MORN1: variants seen among roughly 807,000 people sequenced by gnomAD.
The protein encoded by MORN1 is MORN repeat containing 1.
Under a neutral mutation model 61.9 loss-of-function variants are expected in MORN1, and 67 were observed. The ratio of observed to expected loss-of-function variants is 1.08; its 90% CI spans 0.89 to 1.33. The LOEUF is 1.33. Among genes scored for constraint, MORN1 ranks in the 40% most tolerant of loss-of-function variants. The pLI is 0.00. For synonymous variants in MORN1, 301 were observed against 292.0 expected, an observed-to-expected ratio of 1.03 and a Z score of -0.31; for missense variants, 752 against 691.2, an observed-to-expected ratio of 1.09 and a Z score of -0.99.
In MORN1 at chr1:2,368,551, C is replaced by T. The variant is rs376592200; in HGVS notation, c.745+3930G>A. Among the ~76,000 whole-genome samples, 5 of 152,268 alleles carry T rather than the reference C, an allele frequency of 3.3e-5. No homozygotes were observed. The South Asian group carries it at 1.0e-3, about 32-fold the overall frequency. On this transcript the variant is annotated intron_variant, in intron 8 of 13. Transcript: ENST00000378531. ...GGGCGTGTCTTATGGAAGGCTGCTT[C>T]CTCCCTGACCCTGTTTTATCTAGTC... is the stretch of plus-strand genomic sequence containing the variant.
intron 8 of MORN1, among the ~76,000 whole-genome samples, chr1:2,367,772 C>T (rs895585372): frequency 6.6e-6 from 1 of 151,930 alleles, no homozygotes; most frequent in African/African-American, 2.4e-5. Context: ...GGACTACAGG[C>T]ACCCGCCACT....
intron 10 of MORN1, among the ~76,000 whole-genome samples, chr1:2,344,432 C>T (rs894971440): frequency 2.6e-5 from 4 of 152,194 alleles, no homozygotes; most frequent in Non-Finnish European, 5.9e-5. Flanking sequence ...GAAGGCCCAG[C>T]GACCAGGAGC....
At chr1:2,324,854 G>A (rs1640966745) in intron 12 of MORN1, among the ~76,000 whole-genome samples, 1 of 152,024 alleles carries the variant, frequency 6.6e-6, no homozygotes, top group Admixed American at 6.5e-5. Context: ...AGCGCCTCGG[G>A]GCACCCACGG....
chr1:2,355,093 G>A (rs1226757247), intron 10 of MORN1: 37 of 959,998 alleles, frequency 3.9e-5, no homozygotes, highest in South Asian at 1.3e-4. Flanking sequence ...GGGCCCGCGC[G>A]GGGTAGGGTG....
intron 2 of MORN1, among the ~76,000 whole-genome samples, chr1:2,389,523 C>A (rs1335828767): frequency 6.6e-6 from 1 of 152,226 alleles, no homozygotes; most frequent in Non-Finnish European, 1.5e-5. Flanking sequence ...CCACCTTGGC[C>A]TCCCAAAGTA....
intron 12 of MORN1, among the ~76,000 whole-genome samples, chr1:2,325,201 T>TCCC (rs1640996916): frequency 8.5e-6 from 1 of 117,124 alleles, no homozygotes; most frequent in Non-Finnish European, 1.8e-5. Flanking sequence ...ACTTCCTTCT[T>TCCC]TTTTTTCTTT....
At chr1:2,327,239 C>CACACAGAAACACACAGAA (rs1641050845) in intron 12 of MORN1, among the ~76,000 whole-genome samples, 1 of 57,106 alleles carries the variant, frequency 1.8e-5, no homozygotes, top group African/African-American at 4.8e-5. Flanking sequence ...GACACAGAAA[C>CACACAGAAACACACAGAA]ACACAGAAAC....
intron 2 of MORN1, chr1:2,388,607 GTC>G: frequency 1.1e-5 from 4 of 364,684 alleles, no homozygotes; most frequent in South Asian, 6.4e-5. Context: ...GAGAGACCCC[GTC>G]TCTACACAAA....
In MORN1 at chr1:2,384,917, C is replaced by T. The variant is rs116163652; in HGVS notation, c.537+61G>A. ...GGTGAGGCTCCCCATACACCCCACGCGCCCTGCCCACCACGAGGCCTGTAC... is the reference window on the plus strand; with the variant it reads ...GGTGAGGCTCCCCATACACCCCACGTGCCCTGCCCACCACGAGGCCTGTAC... On this transcript the variant is annotated intron_variant, in intron 6 of 13. Coordinates refer to ENST00000378531, the MANE Select transcript of MORN1 (RefSeq NM_024848.3). The T allele has an allele frequency of 0.015, 21,913 of 1,423,698 alleles. 222 individuals are homozygous for T. The highest frequency in any genetic ancestry group is 0.018 in the Non-Finnish European group (18,958 of 1,058,208). The allele number at this position is 1,423,698 out of a possible 1,614,324, so 88.2% of individuals were successfully genotyped here.
chr1:2,353,818 G>A (rs2100296177), intron 10 of MORN1, among the ~76,000 whole-genome samples: 1 of 152,350 alleles, frequency 6.6e-6, no homozygotes, highest in South Asian at 2.1e-4. Context: ...AGGGTGCTGT[G>A]AAGGCCACAT....
chr1:2,359,930 C>A (rs557492449), intron 8 of MORN1, among the ~76,000 whole-genome samples: 1 of 151,978 alleles, frequency 6.6e-6, no homozygotes, highest in Non-Finnish European at 1.5e-5. Context: ...GAGACCAGTC[C>A]GGTGCCCCAG....
Position 2,390,359 on chromosome 1 carries a change from G to A in MORN1, c.77-363C>T, listed in dbSNP as rs937161229. ...GAGATGAGTGAGCCAGGGGAAGGCA[G>A]AGCGGCAGTGTCAGTGAGGCACACA... On this transcript the variant is annotated intron_variant, in intron 1 of 13. Coordinates refer to ENST00000378531, the MANE Select transcript of MORN1 (RefSeq NM_024848.3). 3 of 936,616 alleles carry A rather than the reference G, an allele frequency of 3.2e-6. No individual in the cohort carries two copies. In the African/African-American group the frequency reaches 5.3e-5, roughly 17 times the overall value. The allele number at this position is 936,616 out of a possible 1,614,324, so 58.0% of individuals were successfully genotyped here.
intron 8 of MORN1, among the ~76,000 whole-genome samples, chr1:2,370,861 GT>G (rs34579503): frequency 2.0e-4 from 28 of 143,492 alleles, no homozygotes; most frequent in South Asian, 1.6e-3. Flanking sequence ...AACAATTTTG[GT>G]TTTTTTTTTT....
intron 10 of MORN1, among the ~76,000 whole-genome samples, chr1:2,341,736 T>C (rs1272294596): frequency 1.3e-5 from 2 of 151,398 alleles, no homozygotes; most frequent in African/African-American, 2.4e-5. Context: ...AAAAGTCTGA[T>C]GGCAAGTGCC....
At chr1:2,390,400 C>A in intron 1 of MORN1, 1 of 981,412 alleles carries the variant, frequency 1.0e-6, no homozygotes, top group Non-Finnish European at 1.2e-6. Flanking sequence ...GGAGCAGACT[C>A]TCCCATCCCC....
chr1:2,388,597 G>A, intron 2 of MORN1: 1 of 433,900 alleles, frequency 2.3e-6, no homozygotes, highest in Non-Finnish European at 4.2e-6. Context: ...GAGCAACACG[G>A]AGAGACCCCG....
Position 2,386,966 on chromosome 1 carries a change from C to CTA in MORN1, c.358+451_358+452dup, listed in dbSNP as rs1241971799. 5 of 174,018 alleles carry CTA rather than the reference C, an allele frequency of 2.9e-5. No homozygotes were observed. The East Asian group carries it at 7.3e-4, about 26-fold the overall frequency. 10.8% of individuals were successfully genotyped at this position (174,018 alleles called of 1,614,324 possible). On this transcript the variant is annotated intron_variant, in intron 4 of 13. Coordinates refer to ENST00000378531, the MANE Select transcript of MORN1 (RefSeq NM_024848.3). Reference sequence around the variant, plus strand: ...GAGGAAGTGGCTAAGCTGTCCAAGACTACTGGGCAAGGAGCTGGGCTTCCC... The same window carrying CTA: ...GAGGAAGTGGCTAAGCTGTCCAAGACTATACTGGGCAAGGAGCTGGGCTTCCC...
chr1:2,340,356 C>T (rs1398610809), intron 10 of MORN1, among the ~76,000 whole-genome samples: 1 of 152,180 alleles, frequency 6.6e-6, no homozygotes, highest in East Asian at 1.9e-4. Flanking sequence ...TCCCTGCAGA[C>T]ACCAGAGCAG....
chr1:2,353,230 G>A (rs1023358899), intron 10 of MORN1, among the ~76,000 whole-genome samples: 3 of 152,272 alleles, frequency 2.0e-5, no homozygotes, highest in African/African-American at 7.2e-5. Flanking sequence ...CGAAGTTCAT[G>A]CTTACAAGGA....
Sources: allele counts gnomAD v4.1 joint callset (sites outside exome capture counted in the v4.1 genomes callset), GRCh38; gene constraint gnomAD v4.1.1; transcripts MANE v1.5; gene names NCBI Gene and HGNC (gene_info 2026-07-23, HGNC 2026-07-21).